Variants in PKD1L3 observed in about 807,000 individuals in gnomAD.
PKD1L3 encodes the protein polycystin 1 like 3, transient receptor potential channel interacting, also known as polycystin-1-like protein 3.
Under a neutral mutation model 184.1 loss-of-function variants are expected in PKD1L3, and 239 were observed. The ratio of observed to expected loss-of-function variants is 1.30; its 90% CI spans 1.17 to 1.45. The LOEUF is 1.45. Ranked by LOEUF, PKD1L3 falls within the 40% of genes most tolerant of loss-of-function variation. The pLI, the probability that PKD1L3 is intolerant of heterozygous loss-of-function variation, is 0.00. For synonymous variants in PKD1L3, 996 were observed against 778.8 expected, an observed-to-expected ratio of 1.28 and a Z score of -4.64; for missense variants, 2,660 against 2,067.2, an observed-to-expected ratio of 1.29 and a Z score of -5.56.
chr16:71,986,329 C>A lies in PKD1L3; in HGVS notation c.726G>T (p.Thr242=), dbSNP rs1247884145. ...ITQLTMPVSV[T]HAGQSLAETT... ...TTTCTGCCAGAGATTGCCCAGCATG[C>A]GTGACAGACACGGGCATGGTGAGCT... The change falls in exon 5 of 30, where the codon ACG becomes ACT. Residue 242 remains threonine, a synonymous_variant. Coordinates refer to ENST00000620267, the MANE Select transcript of PKD1L3 (RefSeq NM_181536.2). The A allele has an allele frequency of 3.2e-6, 5 of 1,552,094 alleles. No individual in the cohort carries two copies. The highest frequency in any genetic ancestry group is 3.9e-5 in the Admixed American group (2 of 51,002).
intron 16 of PKD1L3, among the ~76,000 whole-genome samples, chr16:71,955,618 G>A (rs1414848799): frequency 6.6e-6 from 1 of 151,892 alleles, no homozygotes; most frequent in African/African-American, 2.4e-5. Context: ...TCAGTGGTGT[G>A]CAGGTGCACA....
intron 4 of PKD1L3, among the ~76,000 whole-genome samples, chr16:71,989,868 A>G (rs2040520206): frequency 6.6e-6 from 1 of 152,128 alleles, no homozygotes; most frequent in African/African-American, 2.4e-5. Flanking sequence ...TGAGGTCAGG[A>G]GTTTGAGACC....
chr16:71,964,044 T>TCTCATCTCCGCTTCACAGGC (rs1374884036), intron 15 of PKD1L3, among the ~76,000 whole-genome samples: 1 of 152,142 alleles, frequency 6.6e-6, no homozygotes, highest in Non-Finnish European at 1.5e-5. Context: ...CTCTACTTAG[T>TCTCATCTCCGCTTCACAGGC]CTCATCTCCG....
In PKD1L3 at chr16:71,933,530, A is replaced by G. The variant is rs1410545317; in HGVS notation, c.4825-9T>C. 6.5e-7 allele frequency: 1 copy of G among 1,536,972 alleles called. No homozygotes were observed. The highest frequency in any genetic ancestry group is 1.2e-5 in the South Asian group (1 of 83,748). On this transcript the variant is annotated splice_polypyrimidine_tract_variant and intron_variant, in intron 27 of 29. Coordinates refer to ENST00000620267, the MANE Select transcript of PKD1L3 (RefSeq NM_181536.2). ...CCAAACAGCAGGTTAAACTGAACAG[A>G]AGGAGAAAGGCCAGTTAGTGCAAGC...
At chr16:71,933,626 C>T (rs1324104818) in intron 27 of PKD1L3, 105 bp from the exon 28 acceptor site, 5 of 871,602 alleles carry the variant, frequency 5.7e-6, no homozygotes, top group Non-Finnish European at 9.3e-6. Flanking sequence ...ACAGAAATTC[C>T]TTGTGGCCAA....
At position 71,952,195 on chromosome 16, in the gene PKD1L3, A is replaced by ATTTTTTTT. The variant is rs34849069; in HGVS notation, c.3010-459_3010-452dup. Among the ~76,000 whole-genome samples the ATTTTTTTT allele has an allele frequency of 7.9e-5, 4 of 50,824 alleles. 1 individual carries two copies. The highest frequency in any genetic ancestry group is 1.5e-3 in the East Asian group (2 of 1,348). 33.3% of individuals were successfully genotyped at this position (50,824 alleles called of 152,430 possible). On this transcript the variant is annotated intron_variant, in intron 18 of 29. Coordinates refer to ENST00000620267, the MANE Select transcript of PKD1L3 (RefSeq NM_181536.2). The stretch of plus-strand genomic sequence containing the variant: ...ACTGCGTGGGGAAAGGGAGCATGTC[A>ATTTTTTTT]TTTTTTTTTTTTTTTTTTTTTTTTT...
chr16:71,971,597 A>T (rs1278571154), intron 12 of PKD1L3, among the ~76,000 whole-genome samples: 1 of 152,232 alleles, frequency 6.6e-6, no homozygotes, highest in East Asian at 1.9e-4. Context: ...GTGCTGTGAG[A>T]GGAGAAAAGC....
At chr16:71,935,838 G>A (rs1034039751) in intron 25 of PKD1L3, among the ~76,000 whole-genome samples, 2 of 152,180 alleles carry the variant, frequency 1.3e-5, no homozygotes, top group Non-Finnish European at 2.9e-5. Context: ...TGCCCAGGCT[G>A]GAGTGCAGTG....
rs546963754 is a variant in PKD1L3, at chr16:71,940,499, A to T, written c.4324+2061T>A. On this transcript the variant is annotated intron_variant, in intron 24 of 29. Transcript: ENST00000620267. ...GCATGGGCACAGAGCTTTGTTTTTT[A>T]TTTTTTTTTTATTTTTTTGAGATGG... Among the ~76,000 whole-genome samples the T allele has an allele frequency of 1.8e-4, 27 of 149,800 alleles. 1 individual carries two copies. The highest frequency in any genetic ancestry group is 5.1e-4 in the African/African-American group (21 of 40,786).
chr16:71,941,705 C>T (rs2038367620), intron 24 of PKD1L3, among the ~76,000 whole-genome samples: 1 of 151,492 alleles, frequency 6.6e-6, no homozygotes, highest in Non-Finnish European at 1.5e-5. Flanking sequence ...CTGCTTCAGC[C>T]TCCCGAATAG....
At chr16:71,977,875 A>C (rs2039992023) in intron 10 of PKD1L3, among the ~76,000 whole-genome samples, 1 of 152,098 alleles carries the variant, frequency 6.6e-6, no homozygotes, top group Non-Finnish European at 1.5e-5. Flanking sequence ...CCTGGATTCA[A>C]GCTATTCTCC....
At chr16:71,955,583 C>A (rs989328441) in intron 16 of PKD1L3, among the ~76,000 whole-genome samples, 80 of 152,086 alleles carry the variant, frequency 5.3e-4, no homozygotes, top group African/African-American at 1.6e-3. Flanking sequence ...ACCTCCATCC[C>A]CCTGGCTCAA....
In PKD1L3 at chr16:71,929,646, C is replaced by G. The variant is rs1027880087; in HGVS notation, c.5091G>C (p.Gln1697His). 1.9e-6 allele frequency: 3 copies of G among 1,551,620 alleles called. No homozygotes were observed. In the African/African-American group the frequency reaches 4.1e-5, roughly 21 times the overall value. ...KEAALIDTLL[Q>H]KLSNLLGISW... Reference sequence around the variant, plus strand: ...TGATTCCTAACAAATTTGAGAGCTTCTGTAGCAGTGTATCTATTAGTGCAG... The same window carrying G: ...TGATTCCTAACAAATTTGAGAGCTTGTGTAGCAGTGTATCTATTAGTGCAG... The change falls in exon 30 of 30, where the codon CAG becomes CAC. Residue 1697 changes from glutamine (Q) to histidine (H), a missense_variant. By Grantham distance (24) the Gln-to-His change is conservative. Coordinates refer to ENST00000620267, the MANE Select transcript of PKD1L3 (RefSeq NM_181536.2).
intron 9 of PKD1L3, among the ~76,000 whole-genome samples, chr16:71,978,646 T>G (rs1488151437): frequency 6.6e-6 from 1 of 151,356 alleles, no homozygotes; most frequent in Non-Finnish European, 1.5e-5. Flanking sequence ...TTCAAGCGAT[T>G]CTCCTGCCTC....
chr16:71,941,771 G>A (rs1183449773), intron 24 of PKD1L3, among the ~76,000 whole-genome samples: 1 of 151,212 alleles, frequency 6.6e-6, no homozygotes, highest in African/African-American at 2.4e-5. Context: ...TTTTAGTAGA[G>A]ACGGGGTGTC....
Position 71,973,309 on chromosome 16 carries a change from G to A in PKD1L3, c.1953+15C>T, listed in dbSNP as rs372702011. ...ATGGCAGAAGAGAGGCCCAAGAAGCGGCTCAGTTTCTTACTTGGCATCCGG... is the reference window on the plus strand; with the variant it reads ...ATGGCAGAAGAGAGGCCCAAGAAGCAGCTCAGTTTCTTACTTGGCATCCGG... On this transcript the variant is annotated intron_variant, in intron 12 of 29. Transcript: ENST00000620267. The A allele has an allele frequency of 1.7e-5, 27 of 1,550,192 alleles. No homozygotes were observed. Among genetic ancestry groups the A allele is most frequent in the Admixed American group, 3.9e-5 (2 of 50,944 alleles).
intron 4 of PKD1L3, among the ~76,000 whole-genome samples, chr16:71,988,826 T>G (rs899827427): frequency 1.3e-5 from 2 of 152,192 alleles, no homozygotes; most frequent in Admixed American, 1.3e-4. Flanking sequence ...CCATCTCTCC[T>G]ATGCTGAATT....
chr16:71,976,073 G>A (rs574717224), intron 11 of PKD1L3, among the ~76,000 whole-genome samples: 4 of 151,076 alleles, frequency 2.6e-5, no homozygotes, highest in South Asian at 2.1e-4. Flanking sequence ...TCAGTCTCCC[G>A]AGTAGCTGGG....
intron 12 of PKD1L3, among the ~76,000 whole-genome samples, chr16:71,971,587 G>T (rs1370460424): frequency 6.6e-6 from 1 of 152,194 alleles, no homozygotes; most frequent in Non-Finnish European, 1.5e-5. Context: ...CAACTGGTCT[G>T]TGCTGTGAGA....
Sources: allele counts gnomAD v4.1 joint callset (sites outside exome capture counted in the v4.1 genomes callset), GRCh38; gene constraint gnomAD v4.1.1; transcripts MANE v1.5; gene names NCBI Gene and HGNC (gene_info 2026-07-23, HGNC 2026-07-21).